The following STX5 variants were observed in gnomAD, a reference collection of about 807,000 sequenced individuals.
STX5 encodes syntaxin-5.
STX5 carries 15 observed loss-of-function variants against 42.9 expected under a neutral mutation model. That is an observed-to-expected ratio of 0.35 (90% CI 0.23 to 0.54). The LOEUF (loss-of-function observed/expected upper bound fraction) is 0.54. Ranked by LOEUF, STX5 falls within the 20% of genes least tolerant of loss-of-function variation. The pLI is 0.91. For missense variants in STX5, 430 were observed against 455.0 expected, an observed-to-expected ratio of 0.95 and a Z score of 0.50; for synonymous variants, 184 against 173.2, an observed-to-expected ratio of 1.06 and a Z score of -0.49.
chr11:62,819,657 T>C (rs1285585627), intron 10 of STX5, among the ~76,000 whole-genome samples: 7 of 151,828 alleles, frequency 4.6e-5, no homozygotes, highest in African/African-American at 1.7e-4. Context: ...CTGGGAACAG[T>C]AGCTGGGACC....
intron 10 of STX5, among the ~76,000 whole-genome samples, chr11:62,819,987 G>C (rs1182903136): frequency 6.6e-6 from 1 of 151,420 alleles, no homozygotes; most frequent in Non-Finnish European, 1.5e-5. Context: ...ACAGGCATGA[G>C]CCACCGCTCC....
intron 10 of STX5, among the ~76,000 whole-genome samples, chr11:62,808,224 G>A (rs952352727): frequency 1.3e-5 from 2 of 152,060 alleles, no homozygotes; most frequent in African/African-American, 2.4e-5. Context: ...TCACGAGTTT[G>A]AGACCAGCCT....
intron 2 of STX5, 28 bp downstream of exon 2, chr11:62,830,991 C>T: frequency 6.5e-7 from 1 of 1,533,826 alleles, no homozygotes; most frequent in Middle Eastern, 2.3e-4. Flanking sequence ...AAGGCTCACT[C>T]CTCGCCTTTT....
chr11:62,825,228 C>G (rs1565214163), intron 7 of STX5, 55 bp downstream of exon 7: 5 of 1,612,696 alleles, frequency 3.1e-6, no homozygotes, highest in Non-Finnish European at 2.5e-6. Context: ...TTCTTCATTT[C>G]CCTCTTGGAT....
chr11:62,830,162 CTTTT>C (rs201147713), intron 2 of STX5, among the ~76,000 whole-genome samples: 1 of 137,790 alleles, frequency 7.3e-6, no homozygotes, highest in Non-Finnish European at 1.6e-5. Flanking sequence ...CCACGTCCAG[CTTTT>C]TTTTTTTTTT....
chr11:62,807,434 C>T lies in STX5; in HGVS notation c.*35G>A. ...GCCACTTGCCTTCCCAGGAGGGTCCCAAACCCCAACAGAGTGCCTCAGAGT... is the reference window on the plus strand; with the variant it reads ...GCCACTTGCCTTCCCAGGAGGGTCCTAAACCCCAACAGAGTGCCTCAGAGT... On this transcript the variant is annotated 3_prime_UTR_variant, in exon 11 of 11. Coordinates refer to ENST00000294179, the MANE Select transcript of STX5 (RefSeq NM_003164.5). 6.2e-7 allele frequency: 1 copy of T among 1,605,982 alleles called. No individual in the cohort carries two copies. Among genetic ancestry groups the T allele is most frequent in the Non-Finnish European group, 8.5e-7 (1 of 1,175,102 alleles).
At chr11:62,819,223 A>G (rs2084711189) in intron 10 of STX5, among the ~76,000 whole-genome samples, 1 of 30,000 alleles carries the variant, frequency 3.3e-5, no homozygotes, top group African/African-American at 1.3e-4. Context: ...TCTGTCTGAA[A>G]AAAAAAAAAA....
rs1555005255 is a variant in STX5 at position 62,815,466 on chromosome 11, T to TGA, written c.909-7839_909-7838insTC. Among the ~76,000 whole-genome samples, 8 of 151,480 alleles carry TGA rather than the reference T, an allele frequency of 5.3e-5. No individual in the cohort carries two copies. In the East Asian group the frequency reaches 1.6e-3, roughly 29 times the overall value. ...TTTTTGAGACAGAGTATCACTCTGT[T>TGA]GTGACACTCACTGAATAATACATAA... On this transcript the variant is annotated intron_variant, in intron 10 of 10. Transcript: ENST00000294179.
At position 62,831,172 on chromosome 11, in the gene STX5, C is replaced by CTG. The variant is rs2084855817; in HGVS notation, c.70_71dup (p.Gln24HisfsTer23). ...TGCCAGCAGTTGCAGGGGACAGGAC[C>CTG]TGTGTCTTTGAGAGACCCAGGTAGA... On this transcript the variant is annotated frameshift_variant, in exon 2 of 11. Transcript: ENST00000294179. LOFTEE classifies it high-confidence loss of function. The CTG allele has an allele frequency of 6.4e-7, 1 of 1,564,106 alleles. No homozygotes were observed. Among genetic ancestry groups the CTG allele is most frequent in the African/African-American group, 1.3e-5 (1 of 74,220 alleles).
chr11:62,824,083 T>A lies in STX5; in HGVS notation c.908+83A>T, dbSNP rs2134844601. On this transcript the variant is annotated intron_variant, in intron 10 of 10. Coordinates refer to ENST00000294179, the MANE Select transcript of STX5 (RefSeq NM_003164.5). ...AATTCACTCTATCTTCCAAAAGGCA[T>A]CAAGCAGTCCCTGGGGACTTTAAGA... 1.3e-5 allele frequency: 21 copies of A among 1,594,878 alleles called. No homozygotes were observed. In the South Asian group the frequency reaches 2.3e-4, roughly 17 times the overall value.
chr11:62,808,801 C>A (rs1048571450), intron 10 of STX5, among the ~76,000 whole-genome samples: 1 of 152,064 alleles, frequency 6.6e-6, no homozygotes, highest in Non-Finnish European at 1.5e-5. Flanking sequence ...AAGGGATAAC[C>A]TCATCAAGTG....
chr11:62,830,660 C>A, intron 2 of STX5: 1 of 482,098 alleles, frequency 2.1e-6, no homozygotes, highest in Non-Finnish European at 3.9e-6. Context: ...ACAGAGCAAA[C>A]TTATGGTAGA....
At chr11:62,809,802 G>A (rs571333774) in intron 10 of STX5, among the ~76,000 whole-genome samples, 42 of 149,712 alleles carry the variant, frequency 2.8e-4, no homozygotes, top group Non-Finnish European at 5.5e-4. Context: ...CAAATAATTC[G>A]GCAAAAGAAA....
chr11:62,807,757 A>G (rs1164691151), intron 10 of STX5, 129 bp from the exon 11 acceptor site: 1 of 1,467,034 alleles, frequency 6.8e-7, no homozygotes, highest in Non-Finnish European at 9.1e-7. Flanking sequence ...TTGTGTATAG[A>G]AAAGGCTTTG....
At chr11:62,819,346 G>A (rs1332857344) in intron 10 of STX5, among the ~76,000 whole-genome samples, 1 of 143,578 alleles carries the variant, frequency 7.0e-6, no homozygotes, top group East Asian at 2.0e-4. Flanking sequence ...GTTGTCAGCA[G>A]ATCTCCACTA....
rs2084561593 is a variant in STX5 at position 62,807,277 on chromosome 11, G to C, written c.*192C>G. 3.9e-6 allele frequency: 3 copies of C among 772,622 alleles called. No individual in the cohort carries two copies. Among genetic ancestry groups the C allele is most frequent in the Non-Finnish European group, 5.9e-6 (3 of 504,782 alleles). The allele number at this position is 772,622 out of a possible 1,614,324, so 47.9% of individuals were successfully genotyped here. On this transcript the variant is annotated 3_prime_UTR_variant, in exon 11 of 11. Coordinates refer to ENST00000294179, the MANE Select transcript of STX5 (RefSeq NM_003164.5). ...AGAACCCTGTGTGTTTCATAGGCCT[G>C]AGGGTGGTGGGGGGAGGACAGGGTG... is the stretch of plus-strand genomic sequence containing the variant.
intron 8 of STX5, 116 bp downstream of exon 8, chr11:62,824,920 C>T (rs933031578): frequency 1.7e-5 from 17 of 1,029,354 alleles, no homozygotes; most frequent in Admixed American, 4.5e-5. Flanking sequence ...GAGATAAAGC[C>T]TAGAAAATTC....
intron 5 of STX5, among the ~76,000 whole-genome samples, chr11:62,826,765 A>C (rs2084800585): frequency 6.6e-6 from 1 of 151,176 alleles, no homozygotes; most frequent in African/African-American, 2.4e-5. Context: ...CTATAGTCCC[A>C]GCTACTGGGG....
At chr11:62,822,845 A>G (rs1369027704) in intron 10 of STX5, among the ~76,000 whole-genome samples, 1 of 152,096 alleles carries the variant, frequency 6.6e-6, no homozygotes, top group Non-Finnish European at 1.5e-5. Flanking sequence ...GCTAAGCACC[A>G]CAGAGGAGGA....
Sources: allele counts gnomAD v4.1 joint callset (sites outside exome capture counted in the v4.1 genomes callset), GRCh38; gene constraint gnomAD v4.1.1; transcripts MANE v1.5; gene names NCBI Gene and HGNC (gene_info 2026-07-23, HGNC 2026-07-21).